The following ACOX1 variants were observed in gnomAD, a reference collection of about 807,000 sequenced individuals.
ACOX1 encodes the protein acyl-CoA oxidase 1, also known as peroxisomal acyl-coenzyme A oxidase 1.
Under a neutral mutation model 75.5 loss-of-function variants are expected in ACOX1, and 41 were observed. The ratio of observed to expected loss-of-function variants is 0.54; its 90% CI spans 0.42 to 0.70. The LOEUF (loss-of-function observed/expected upper bound fraction) is 0.70. Ranked by LOEUF, ACOX1 falls within the 30% of genes least tolerant of loss-of-function variation. ACOX1 has a pLI of 0.00. For synonymous variants in ACOX1, 303 were observed against 298.8 expected (o/e 1.01, Z -0.15); for missense variants, 630 against 837.5 (o/e 0.75, Z 3.06).
At chr17:75,968,339 G>A (rs2065958956) in intron 2 of ACOX1, among the ~76,000 whole-genome samples, 1 of 146,238 alleles carries the variant, frequency 6.8e-6, no homozygotes, top group African/African-American at 2.6e-5. Flanking sequence ...GGGAGGCTGA[G>A]GCAGGAGAAT....
At chr17:75,973,805 A>C in intron 2 of ACOX1, 1 of 1,613,942 alleles carries the variant, frequency 6.2e-7, no homozygotes, top group Non-Finnish European at 8.5e-7. Context: ...AGAAGAGAAA[A>C]GGATCTCAGC....
chr17:75,948,497 T>C, intron 12 of ACOX1, 40 bp from the exon 13 acceptor site: 4 of 1,498,186 alleles, frequency 2.7e-6, no homozygotes, highest in Non-Finnish European at 3.7e-6. Context: ...CATATATATG[T>C]ATATAGATAG....
intron 2 of ACOX1, chr17:75,973,638 C>T (rs748450801): frequency 3.7e-6 from 6 of 1,614,182 alleles, no homozygotes; most frequent in African/African-American, 2.7e-5. Flanking sequence ...GGCCCATTTC[C>T]GTCTGGGCGT....
At chr17:75,970,242 A>G (rs1449199169) in intron 2 of ACOX1, among the ~76,000 whole-genome samples, 1 of 151,822 alleles carries the variant, frequency 6.6e-6, no homozygotes, top group Non-Finnish European at 1.5e-5. Flanking sequence ...GCAAACAAGG[A>G]AAACAAAGCA....
At position 75,979,096 on chromosome 17, in the gene ACOX1, A is replaced by G. The variant is rs1461920189; in HGVS notation, c.-23T>C. On this transcript the variant is annotated 5_prime_UTR_variant, in exon 1 of 14. Transcript: ENST00000293217. ...CATGGCGACGACCAGCTGGCAGCGA[A>G]GTAAGCACCGACCGAGGTGGCAGTG... 6 of 1,609,060 alleles carry G rather than the reference A, an allele frequency of 3.7e-6. No individual in the cohort carries two copies. The highest frequency in any genetic ancestry group is 2.7e-5 in the African/African-American group (2 of 74,930).
intron 4 of ACOX1, among the ~76,000 whole-genome samples, chr17:75,956,284 T>C (rs1455504120): frequency 6.6e-6 from 1 of 152,102 alleles, no homozygotes; most frequent in Non-Finnish European, 1.5e-5. Flanking sequence ...TTCTTACATA[T>C]AAATTATAAA....
rs1201692285 is a variant in ACOX1, at chr17:75,978,827, G to C, written c.110-134C>G. 1 of 1,598,976 alleles carries C rather than the reference G, an allele frequency of 6.3e-7. No homozygotes were observed. The highest frequency in any genetic ancestry group is 8.5e-7 in the Non-Finnish European group (1 of 1,176,694). On this transcript the variant is annotated intron_variant, in intron 1 of 13. Transcript: ENST00000293217. This position sits in a 1 kb window ranked among gnomAD's most constrained non-coding sequence, Gnocchi z 4.2. ...CGATATCCCCCCACCAGGGACACAG[G>C]CTGTTCCTCGAAGTGGGGGTCCCGG...
intron 2 of ACOX1, among the ~76,000 whole-genome samples, chr17:75,976,991 CT>C (rs1019883355): frequency 0.047 from 3,718 of 78,878 alleles, 25 homozygotes; most frequent in Middle Eastern, 0.12. Flanking sequence ...GCAAAAAAGT[CT>C]TTTTTTTTTT....
intron 4 of ACOX1, 147 bp from the exon 5 acceptor site, chr17:75,956,094 A>T: frequency 9.7e-7 from 1 of 1,027,262 alleles, no homozygotes; most frequent in Non-Finnish European, 1.5e-6. Flanking sequence ...ACAGCATCAC[A>T]CCTAGCTTTC....
At chr17:75,966,327 C>A (rs12232509) in intron 2 of ACOX1, among the ~76,000 whole-genome samples, 2,838 of 149,636 alleles carry the variant, frequency 0.019, 50 homozygotes, top group East Asian at 0.088. Flanking sequence ...CATGGTGGTG[C>A]ACGCCTGTAA....
chr17:75,948,055 T>C (rs1238510902), intron 13 of ACOX1, among the ~76,000 whole-genome samples, 196 bp downstream of exon 13: 1 of 152,104 alleles, frequency 6.6e-6, no homozygotes, highest in Non-Finnish European at 1.5e-5. Flanking sequence ...TTATCAAAAA[T>C]TGAAATTGAT....
intron 6 of ACOX1, among the ~76,000 whole-genome samples, chr17:75,955,095 C>T (rs1172897887): frequency 6.6e-6 from 1 of 151,382 alleles, no homozygotes; most frequent in Non-Finnish European, 1.5e-5. Context: ...GTCTCCATCT[C>T]TTGACCTCAT....
intron 4 of ACOX1, among the ~76,000 whole-genome samples, chr17:75,956,965 CTCTCTCTATA>C (rs1567877989): frequency 4.9e-4 from 7 of 14,364 alleles, no homozygotes; most frequent in South Asian, 4.0e-3. Context: ...CTCTCTCTCT[CTCTCTCTATA>C]TATATATATA....
At chr17:75,949,132 T>A in intron 12 of ACOX1, 85 bp downstream of exon 12, 1 of 1,530,796 alleles carries the variant, frequency 6.5e-7, no homozygotes, top group Non-Finnish European at 9.0e-7. Context: ...AGTGCTGGGA[T>A]TACAGGCATG....
At chr17:75,948,205 T>G (rs1330909939) in intron 13 of ACOX1, 46 bp downstream of exon 13, 5 of 1,597,764 alleles carry the variant, frequency 3.1e-6, no homozygotes, top group Non-Finnish European at 4.3e-6. Context: ...TGCTTCAATA[T>G]TTAAGTGAAG....
chr17:75,964,681 A>G (rs927626606), intron 2 of ACOX1, among the ~76,000 whole-genome samples: 3 of 152,246 alleles, frequency 2.0e-5, no homozygotes, highest in African/African-American at 7.2e-5. Context: ...TGAACTGCAT[A>G]GTTTTTTGAC....
chr17:75,951,527 AAG>A lies in ACOX1; in HGVS notation c.993_994del (p.Phe332SerfsTer24). 6.2e-7 allele frequency: 1 copy of A among 1,614,162 alleles called. No individual in the cohort carries two copies. Among genetic ancestry groups the A allele is most frequent in the Non-Finnish European group, 8.5e-7 (1 of 1,180,018 alleles). The stretch of plus-strand genomic sequence containing the variant: ...GGCATAGGCAGTGGCCAGGAGTGGA[AAG>A]AGTTTATACTGCTGGGTTTGAAAAT... On this transcript the variant is annotated frameshift_variant, in exon 8 of 14. Coordinates refer to ENST00000293217, the MANE Select transcript of ACOX1 (RefSeq NM_004035.7). LOFTEE classifies it high-confidence loss of function.
At chr17:75,948,035 GTTCAA>G (rs1451008683) in intron 13 of ACOX1, among the ~76,000 whole-genome samples, 4 of 152,054 alleles carry the variant, frequency 2.6e-5, no homozygotes, top group Non-Finnish European at 5.9e-5. Flanking sequence ...ATTTTTAAAT[GTTCAA>G]TTCGTTATCA....
intron 7 of ACOX1, among the ~76,000 whole-genome samples, chr17:75,951,808 CTTT>C (rs1029666749): frequency 7.9e-3 from 614 of 77,396 alleles, no homozygotes; most frequent in African/African-American, 0.032. Context: ...TAAATTGAGG[CTTT>C]TTTTTTTTTT....
Sources: gnomAD v4.1 joint callset for allele counts (sites outside exome capture counted in the v4.1 genomes callset) on GRCh38, gnomAD v4.1.1 for gene constraint, Gnocchi (gnomAD v3.1) non-coding constraint, MANE v1.5 for transcripts, NCBI Gene and HGNC (gene_info 2026-07-23, HGNC 2026-07-21) for gene names.